The following CAMK1D variants were observed in gnomAD, a reference collection of about 807,000 sequenced individuals.
CAMK1D encodes calcium/calmodulin dependent protein kinase ID.
Under a neutral mutation model 47.7 loss-of-function variants are expected in CAMK1D, and 9 were observed. The observed-to-expected ratio is 0.19, with a 90% CI of 0.11 to 0.33. The LOEUF (loss-of-function observed/expected upper bound fraction) is 0.33. Among genes scored for constraint, CAMK1D ranks in the 10% least tolerant of loss-of-function variants. CAMK1D has a pLI of 1.00. For missense variants in CAMK1D, 291 were observed against 488.7 expected (o/e 0.60, Z 3.81); for synonymous variants, 184 against 184.9 (o/e 0.99, Z 0.04).
intron 6 of CAMK1D, among the ~76,000 whole-genome samples, chr10:12,793,005 C>T (rs1052424754): frequency 6.6e-6 from 1 of 151,636 alleles, no homozygotes; most frequent in East Asian, 1.9e-4. Context: ...ATTTTGCATA[C>T]CATTTTCTCG....
intron 2 of CAMK1D, among the ~76,000 whole-genome samples, chr10:12,555,362 GTGTT>G (rs1164775716): frequency 6.6e-6 from 1 of 152,236 alleles, no homozygotes; most frequent in East Asian, 1.9e-4. Flanking sequence ...TGCGGGATAA[GTGTT>G]TGAGAACAAA....
chr10:12,642,012 C>G (rs1839679728), intron 2 of CAMK1D, among the ~76,000 whole-genome samples: 1 of 150,402 alleles, frequency 6.6e-6, no homozygotes, highest in South Asian at 2.1e-4. Flanking sequence ...CTACTGCATT[C>G]CAGCTAGGGC....
intron 2 of CAMK1D, among the ~76,000 whole-genome samples, chr10:12,570,319 C>T (rs1837283412): frequency 6.6e-6 from 1 of 152,166 alleles, no homozygotes; most frequent in South Asian, 2.1e-4. Flanking sequence ...CCTCACACCT[C>T]CAAGATGATT....
chr10:12,782,175 G>A (rs144891297), intron 5 of CAMK1D, among the ~76,000 whole-genome samples: 1 of 152,236 alleles, frequency 6.6e-6, no homozygotes, highest in Non-Finnish European at 1.5e-5. Context: ...ACGCTCCTGT[G>A]TTTCAGCCTG....
intron 5 of CAMK1D, among the ~76,000 whole-genome samples, chr10:12,777,433 C>T (rs949898088): frequency 3.0e-5 from 4 of 133,342 alleles, no homozygotes; most frequent in African/African-American, 1.1e-4. Flanking sequence ...AGTGCAGTGG[C>T]ACGATCTCAG....
At chr10:12,454,923 A>G (rs1833197218) in intron 1 of CAMK1D, among the ~76,000 whole-genome samples, 1 of 152,216 alleles carries the variant, frequency 6.6e-6, no homozygotes, top group Non-Finnish European at 1.5e-5. Flanking sequence ...AGCAAGTTTC[A>G]TACCAAATTC....
intron 2 of CAMK1D, among the ~76,000 whole-genome samples, chr10:12,555,986 C>T (rs895697488): frequency 1.3e-5 from 2 of 152,176 alleles, no homozygotes; most frequent in Non-Finnish European, 2.9e-5. Context: ...ATTTAAAAAC[C>T]AAGGAGGGCC....
chr10:12,360,060 G>A (rs922615995), intron 1 of CAMK1D, among the ~76,000 whole-genome samples: 2 of 152,084 alleles, frequency 1.3e-5, no homozygotes, highest in Admixed American at 6.6e-5. Flanking sequence ...GACAATGTCC[G>A]GGATCTTGAT....
chr10:12,652,588 GA>G (rs1189023053), intron 2 of CAMK1D, among the ~76,000 whole-genome samples: 8 of 147,188 alleles, frequency 5.4e-5, no homozygotes, highest in South Asian at 2.2e-4. Flanking sequence ...ACTCCATCTC[GA>G]AAAAAAAAAG....
At chr10:12,553,104 A>C (rs938739539) in intron 1 of CAMK1D, 121 bp from the exon 2 acceptor site, 4 of 1,543,030 alleles carry the variant, frequency 2.6e-6, no homozygotes, top group Non-Finnish European at 3.5e-6. Context: ...TAAAAGTAAC[A>C]GTAATGCTTA....
intron 1 of CAMK1D, among the ~76,000 whole-genome samples, chr10:12,505,348 C>T (rs1834837641): frequency 2.0e-5 from 3 of 151,908 alleles, no homozygotes; most frequent in South Asian, 4.1e-4. Flanking sequence ...GTGAAAATTC[C>T]TCTGCAAAAC....
intron 2 of CAMK1D, among the ~76,000 whole-genome samples, chr10:12,595,619 T>C (rs2132374108): frequency 6.6e-6 from 1 of 152,254 alleles, no homozygotes; most frequent in East Asian, 1.9e-4. Flanking sequence ...CTCTGGGCCA[T>C]GCGTCTTCTG....
intron 1 of CAMK1D, among the ~76,000 whole-genome samples, chr10:12,425,222 C>A (rs1840188017): frequency 6.6e-6 from 1 of 152,094 alleles, no homozygotes; most frequent in Admixed American, 6.6e-5. Flanking sequence ...ATCTGGGAGA[C>A]CTTCCCGTTT....
intron 1 of CAMK1D, among the ~76,000 whole-genome samples, chr10:12,465,453 C>T (rs1833562741): frequency 6.6e-6 from 1 of 152,156 alleles, no homozygotes; most frequent in Non-Finnish European, 1.5e-5. Flanking sequence ...CTGCCAGGTT[C>T]AAACGATTTT....
chr10:12,777,952 G>T (rs1837335024), intron 5 of CAMK1D, among the ~76,000 whole-genome samples: 1 of 152,230 alleles, frequency 6.6e-6, no homozygotes, highest in Non-Finnish European at 1.5e-5. Context: ...GCTGCCACTT[G>T]TGATTCAGGG....
chr10:12,781,901 G>T (rs1258110188), intron 5 of CAMK1D, among the ~76,000 whole-genome samples: 2 of 151,814 alleles, frequency 1.3e-5, no homozygotes, highest in Non-Finnish European at 2.9e-5. Flanking sequence ...ACCGGCCTCA[G>T]CTTCCCAAAG....
At chr10:12,607,064 G>A (rs991542371) in intron 2 of CAMK1D, among the ~76,000 whole-genome samples, 3 of 152,090 alleles carry the variant, frequency 2.0e-5, no homozygotes, top group African/African-American at 7.2e-5. Context: ...TTGACCTCGT[G>A]ATCCACCCAC....
At chr10:12,747,976 A>G (rs538474204) in intron 3 of CAMK1D, among the ~76,000 whole-genome samples, 84 of 152,340 alleles carry the variant, frequency 5.5e-4, no homozygotes, top group Non-Finnish European at 1.0e-3. Flanking sequence ...ATCTCATCCA[A>G]AAAGCAGACA....
At position 12,519,418 on chromosome 10, in the gene CAMK1D, G is replaced by C. The variant is rs1346850076; in HGVS notation, c.93-33807G>C. 2.0e-3 allele frequency among the ~76,000 whole-genome samples: 18 copies of C among 9,044 alleles called. 2 individuals carry two copies. The East Asian group carries it at 0.021, about 11-fold the overall frequency. 5.9% of individuals were successfully genotyped at this position (9,044 alleles called of 152,430 possible). A position where few individuals can be genotyped will look rare whatever the true frequency, so the allele number is the denominator to read the frequency against. ...CCCCCCCCCCCCCGCCTCCCTCCCG[G>C]ACGGGGCGGCTGGCCGGGCAGGGGG... On this transcript the variant is annotated intron_variant, in intron 1 of 10. Transcript: ENST00000619168.
Sources: allele counts gnomAD v4.1 joint callset (sites outside exome capture counted in the v4.1 genomes callset), GRCh38; gene constraint gnomAD v4.1.1; transcripts MANE v1.5; gene names NCBI Gene and HGNC (gene_info 2026-07-23, HGNC 2026-07-21).